The following RALGAPA2 variants were observed in gnomAD, a reference collection of about 807,000 sequenced individuals.
The protein encoded by RALGAPA2 is ral GTPase-activating protein subunit alpha-2.
A neutral mutation model predicts 230.4 loss-of-function variants in RALGAPA2; 139 were observed. The ratio of observed to expected loss-of-function variants is 0.60; its 90% CI spans 0.53 to 0.69. The LOEUF is 0.69. RALGAPA2 is among the 30% of genes least tolerant of loss of function. The probability of loss-of-function intolerance (pLI) is 0.00; values close to 1 mark genes in which losing one functional copy is unlikely to be tolerated. For missense variants in RALGAPA2, 2,163 were observed against 2,276.0 expected (o/e 0.95, Z 1.01); for synonymous variants, 847 against 837.8 (o/e 1.01, Z -0.19).
In RALGAPA2 at chr20:20,513,264, C is replaced by G. The variant is rs751715077; in HGVS notation, c.4105G>C (p.Glu1369Gln). Reference sequence around the variant, plus strand: ...ATTCGAGCAGTCAAAGGGATCAACTCCAAACTTCTTCTCTTCTTCTCTGTA... The same window carrying G: ...ATTCGAGCAGTCAAAGGGATCAACTGCAAACTTCTTCTCTTCTTCTCTGTA... ...VEEEKKRRSL[E>Q]LIPLTARMVM... is the part of the protein sequence containing the mutation. The change falls in exon 32 of 40, where the codon GAG becomes CAG. Residue 1369 changes from glutamate to glutamine, a missense_variant. Transcript: ENST00000202677. 3.4e-6 allele frequency: 5 copies of G among 1,473,084 alleles called. No homozygotes were observed. The highest frequency in any genetic ancestry group is 4.5e-6 in the Non-Finnish European group (5 of 1,112,608). 91.3% of individuals were successfully genotyped at this position (1,473,084 alleles called of 1,614,324 possible).
intron 39 of RALGAPA2, among the ~76,000 whole-genome samples, chr20:20,394,889 C>CAA (rs10673778): frequency 0.034 from 1,490 of 44,344 alleles, 43 homozygotes; most frequent in Middle Eastern, 0.053. Context: ...AATAAATAAG[C>CAA]AAAAAAAAAA....
intron 37 of RALGAPA2, among the ~76,000 whole-genome samples, chr20:20,459,668 TG>T (rs2123267021): frequency 6.6e-6 from 1 of 152,242 alleles, no homozygotes; most frequent in Non-Finnish European, 1.5e-5. Context: ...GAATGGGCCA[TG>T]GACACCAATA....
At chr20:20,422,941 A>G (rs901548688) in intron 37 of RALGAPA2, among the ~76,000 whole-genome samples, 1 of 152,232 alleles carries the variant, frequency 6.6e-6, no homozygotes, top group East Asian at 1.9e-4. Flanking sequence ...GGCTGGTTAC[A>G]GAAGGGAAGA....
intron 1 of RALGAPA2, among the ~76,000 whole-genome samples, chr20:20,681,129 G>T (rs185922091): frequency 6.6e-6 from 1 of 152,146 alleles, no homozygotes; most frequent in African/African-American, 2.4e-5. Context: ...TTCCTGTTAC[G>T]GGATGAGGAA....
chr20:20,675,328 TG>T lies in RALGAPA2; in HGVS notation c.270+907del, dbSNP rs1235471454. Among the ~76,000 whole-genome samples, 5 of 152,230 alleles carry T rather than the reference TG, an allele frequency of 3.3e-5. No homozygotes were observed. The East Asian group carries it at 9.7e-4, about 29-fold the overall frequency. On this transcript the variant is annotated intron_variant, in intron 3 of 39. Transcript: ENST00000202677. ...CCTGGGCAGGAAGTTTCCCATATCT[TG>T]TTTTTTTTCCATAAACTCAGAAAGC...
intron 37 of RALGAPA2, among the ~76,000 whole-genome samples, chr20:20,424,449 T>C (rs1475219392): frequency 4.6e-5 from 7 of 152,178 alleles, no homozygotes; most frequent in Non-Finnish European, 8.8e-5. Context: ...ATATGAACAA[T>C]AGAAGCCCTG....
At chr20:20,409,644 T>C (rs1056527107) in intron 38 of RALGAPA2, among the ~76,000 whole-genome samples, 1 of 152,182 alleles carries the variant, frequency 6.6e-6, no homozygotes, top group African/African-American at 2.4e-5. Flanking sequence ...CCCAAGAACA[T>C]AACAGTGTAA....
rs79112449 is a variant in RALGAPA2, at chr20:20,487,912, G to GA, written c.5367+7204dup. ...GGGTGACAGAGCCAGACTCGGTCTCGAAAAAAAAAAAAAAAAAGTTTTTCT... is the reference window on the plus strand; with the variant it reads ...GGGTGACAGAGCCAGACTCGGTCTCGAAAAAAAAAAAAAAAAAAGTTTTTCT... On this transcript the variant is annotated intron_variant, in intron 36 of 39. Transcript: ENST00000202677. 6.0e-3 allele frequency among the ~76,000 whole-genome samples: 654 copies of GA among 109,540 alleles called. 1 individual carries two copies. Among genetic ancestry groups the GA allele is most frequent in the East Asian group, 7.7e-3 (30 of 3,904 alleles). 71.9% of individuals were successfully genotyped at this position (109,540 alleles called of 152,430 possible). A position where few individuals can be genotyped will look rare whatever the true frequency, so the allele number is the denominator to read the frequency against.
intron 4 of RALGAPA2, among the ~76,000 whole-genome samples, chr20:20,648,719 C>A (rs575124278): frequency 2.6e-5 from 4 of 151,644 alleles, no homozygotes; most frequent in African/African-American, 9.7e-5. Flanking sequence ...AGAACAAAGC[C>A]ATGGGGGATG....
Position 20,543,443 on chromosome 20 carries a change from C to T in RALGAPA2, c.3285+3261G>A, listed in dbSNP as rs141457957. ...GACACATGCACACGTGTGTTTATAGCGGCACTATTCACAATAGCAAAGACT... is the reference window on the plus strand; with the variant it reads ...GACACATGCACACGTGTGTTTATAGTGGCACTATTCACAATAGCAAAGACT... On this transcript the variant is annotated intron_variant, in intron 24 of 39. Transcript: ENST00000202677. 7.4e-3 allele frequency among the ~76,000 whole-genome samples: 1,121 copies of T among 152,192 alleles called. 11 individuals are homozygous for T. The highest frequency in any genetic ancestry group is 0.026 in the African/African-American group (1,073 of 41,508).
intron 16 of RALGAPA2, among the ~76,000 whole-genome samples, chr20:20,595,973 A>G (rs1000306393): frequency 1.3e-5 from 2 of 152,082 alleles, no homozygotes; most frequent in Non-Finnish European, 2.9e-5. Context: ...CAAACAAAAA[A>G]CAAACAAACA....
At chr20:20,551,866 C>T (rs935380050) in intron 23 of RALGAPA2, among the ~76,000 whole-genome samples, 2 of 151,966 alleles carry the variant, frequency 1.3e-5, no homozygotes, top group African/African-American at 2.4e-5. Context: ...AACAATTACA[C>T]AAAATGAAAA....
intron 31 of RALGAPA2, among the ~76,000 whole-genome samples, chr20:20,515,132 A>G (rs555167115): frequency 2.0e-5 from 3 of 152,340 alleles, no homozygotes; most frequent in Admixed American, 2.0e-4. Flanking sequence ...CCATTGCCTG[A>G]GGCAATAGAG....
intron 37 of RALGAPA2, among the ~76,000 whole-genome samples, chr20:20,451,075 T>C (rs925101246): frequency 6.6e-6 from 1 of 152,200 alleles, no homozygotes; most frequent in Non-Finnish European, 1.5e-5. Flanking sequence ...GTGGAGAATT[T>C]TAAGTGCCTA....
intron 36 of RALGAPA2, among the ~76,000 whole-genome samples, chr20:20,477,744 C>A (rs914703139): frequency 2.0e-5 from 3 of 152,150 alleles, no homozygotes; most frequent in Non-Finnish European, 4.4e-5. Context: ...TGCCACCAAG[C>A]CCAGCTAATT....
chr20:20,503,388 C>A lies in RALGAPA2; in HGVS notation c.5171G>T (p.Arg1724Leu). The A allele has an allele frequency of 6.2e-7, 1 of 1,603,256 alleles. No individual in the cohort carries two copies. The highest frequency in any genetic ancestry group is 8.5e-7 in the Non-Finnish European group (1 of 1,173,268). ...GGAATCATCTGAGTCTGACGGCATT[C>A]GAGTGGAAACATGGAAAATCACTTC... ...TVEVIFHVST[R>L]MPSDSDDSLT... Residue 1724 changes from arginine to leucine, a missense_variant, in exon 35 of 40, where the codon CGA becomes CTA. By Grantham distance (102) the Arg-to-Leu change is moderately radical. Transcript: ENST00000202677.
intron 37 of RALGAPA2, among the ~76,000 whole-genome samples, chr20:20,423,426 T>C (rs2060318764): frequency 6.6e-6 from 1 of 151,984 alleles, no homozygotes; most frequent in Non-Finnish European, 1.5e-5. Context: ...TCAAGGGATA[T>C]GGAGGGAGCG....
chr20:20,570,184 C>T (rs1268471680), intron 23 of RALGAPA2, among the ~76,000 whole-genome samples: 1 of 152,170 alleles, frequency 6.6e-6, no homozygotes, highest in Non-Finnish European at 1.5e-5. Context: ...GTCCTCTATA[C>T]ACTGCTAAAA....
intron 8 of RALGAPA2, among the ~76,000 whole-genome samples, chr20:20,636,283 C>T (rs2066854490): frequency 6.6e-6 from 1 of 152,030 alleles, no homozygotes; most frequent in South Asian, 2.1e-4. Context: ...GCCATAAGTT[C>T]AACTCTCTAT....
Sources: allele counts gnomAD v4.1 joint callset (sites outside exome capture counted in the v4.1 genomes callset), GRCh38; gene constraint gnomAD v4.1.1; transcripts MANE v1.5; gene names NCBI Gene and HGNC (gene_info 2026-07-23, HGNC 2026-07-21).